TENM3: variants seen among roughly 807,000 people sequenced by gnomAD.
TENM3 encodes the protein teneurin transmembrane protein 3.
TENM3 carries 63 observed loss-of-function variants against 255.1 expected under a neutral mutation model. The ratio of observed to expected loss-of-function variants is 0.25; its 90% CI spans 0.20 to 0.30. TENM3 has a LOEUF of 0.30. Ranked by LOEUF, TENM3 falls within the 10% of genes least tolerant of loss-of-function variation. The pLI, the probability that TENM3 is intolerant of heterozygous loss-of-function variation, is 1.00. For missense variants in TENM3, 2,929 were observed against 3,461.1 expected, an observed-to-expected ratio of 0.85 and a Z score of 3.86; for synonymous variants, 1,306 against 1,322.3, an observed-to-expected ratio of 0.99 and a Z score of 0.27.
the TENM3 span, among the ~76,000 whole-genome samples, chr4:181,696,805 A>G: frequency 6.6e-6 from 1 of 152,140 alleles, no homozygotes; most frequent in Non-Finnish European, 1.5e-5. Context: ...GCAGAGATTG[A>G]ACTCAGAACT....
At chr4:181,455,083 G>A in the TENM3 span, among the ~76,000 whole-genome samples, 1 of 151,926 alleles carries the variant, frequency 6.6e-6, no homozygotes, top group African/African-American at 2.4e-5. Context: ...AAGAGAACCG[G>A]GATCAGAGTA....
chr4:182,255,588 C>G (rs1240381284), intron 1 of TENM3, among the ~76,000 whole-genome samples: 2 of 152,188 alleles, frequency 1.3e-5, no homozygotes, highest in Admixed American at 6.5e-5. Context: ...CCAGCTAGAT[C>G]TGAGTCAGAG....
intron 1 of TENM3, among the ~76,000 whole-genome samples, chr4:182,273,837 C>T (rs1484885727): frequency 6.6e-6 from 1 of 152,140 alleles, no homozygotes; most frequent in Non-Finnish European, 1.5e-5. Flanking sequence ...GAAATTTGAG[C>T]TTTACAAAAA....
intron 3 of TENM3, among the ~76,000 whole-genome samples, chr4:182,581,400 G>A (rs1021164064): frequency 3.3e-5 from 5 of 152,166 alleles, no homozygotes; most frequent in African/African-American, 1.2e-4. Context: ...ACTGTACTTT[G>A]TAGTACTGTT....
the TENM3 span, among the ~76,000 whole-genome samples, chr4:181,507,316 C>T: frequency 6.6e-6 from 1 of 152,182 alleles, no homozygotes; most frequent in Non-Finnish European, 1.5e-5. Context: ...TTTTGAAACA[C>T]CAAGAGTCTC....
In TENM3 at chr4:182,639,533, C is replaced by T. The variant is rs539762991; in HGVS notation, c.988+10644C>T. On this transcript the variant is annotated intron_variant, in intron 5 of 27. Transcript: ENST00000511685. ...GAAAATCAGTGACTTGTCCAGTCAG[C>T]AAGTCCTTTAAAAGGAACCATAATC... Among the ~76,000 whole-genome samples, 10 of 152,268 alleles carry T rather than the reference C, an allele frequency of 6.6e-5. No individual in the cohort carries two copies. The South Asian group carries it at 2.1e-3, about 32-fold the overall frequency.
chr4:181,975,225 C>T, the TENM3 span: 3 of 150,740 alleles, frequency 2.0e-5, no homozygotes, highest in Admixed American at 1.3e-4. Flanking sequence ...ACAACCTCCA[C>T]CTCCCAGGTT....
the TENM3 span, among the ~76,000 whole-genome samples, chr4:181,930,773 A>C: frequency 6.6e-6 from 1 of 152,216 alleles, no homozygotes; most frequent in Non-Finnish European, 1.5e-5. Context: ...TCAATGAAAT[A>C]CTGGCAAACC....
intron 4 of TENM3, among the ~76,000 whole-genome samples, chr4:182,623,447 C>T (rs1750491927): frequency 6.6e-6 from 1 of 151,716 alleles, no homozygotes; most frequent in Non-Finnish European, 1.5e-5. Context: ...GGATTACAGG[C>T]CCCCGCCATC....
the TENM3 span, among the ~76,000 whole-genome samples, chr4:182,125,216 T>C: frequency 6.6e-6 from 1 of 151,480 alleles, no homozygotes; most frequent in Admixed American, 6.6e-5. Flanking sequence ...ATCTTCCCAT[T>C]GCCCAGCGCA....
At chr4:182,060,545 C>G in the TENM3 span, among the ~76,000 whole-genome samples, 2 of 152,190 alleles carry the variant, frequency 1.3e-5, no homozygotes, top group African/African-American at 2.4e-5. Flanking sequence ...CACTCACCTC[C>G]TGCTGTGTGG....
At chr4:182,751,142 A>G (rs1416969556) in intron 19 of TENM3, among the ~76,000 whole-genome samples, 2 of 152,208 alleles carry the variant, frequency 1.3e-5, no homozygotes, top group Admixed American at 1.3e-4. Flanking sequence ...AAACTTTGGA[A>G]AGAAAACTGA....
the TENM3 span, among the ~76,000 whole-genome samples, chr4:181,732,679 A>C: frequency 1.3e-5 from 2 of 152,148 alleles, no homozygotes; most frequent in African/African-American, 2.4e-5. Flanking sequence ...AGAAAATTGG[A>C]TAGCAAACCA....
At chr4:182,589,871 G>A (rs1746427048) in intron 3 of TENM3, among the ~76,000 whole-genome samples, 1 of 152,074 alleles carries the variant, frequency 6.6e-6, no homozygotes, top group African/African-American at 2.4e-5. Flanking sequence ...CTACTTGGGA[G>A]GCTGAGGCAG....
At chr4:182,261,825 A>C (rs978482592) in intron 1 of TENM3, among the ~76,000 whole-genome samples, 4 of 152,220 alleles carry the variant, frequency 2.6e-5, no homozygotes, top group Non-Finnish European at 5.9e-5. Context: ...CAGTCAAATC[A>C]TGTGGTATAA....
At chr4:182,755,958 T>C (rs191569343) in intron 22 of TENM3, among the ~76,000 whole-genome samples, 2 of 152,302 alleles carry the variant, frequency 1.3e-5, no homozygotes, top group East Asian at 1.9e-4. Context: ...TAAGTTTCAG[T>C]TGGCTTCATG....
the TENM3 span, among the ~76,000 whole-genome samples, chr4:182,092,593 G>A: frequency 6.6e-6 from 1 of 152,190 alleles, no homozygotes; most frequent in Non-Finnish European, 1.5e-5. Context: ...TGCTGCAGTG[G>A]CCATGATTGT....
intron 1 of TENM3, among the ~76,000 whole-genome samples, chr4:182,149,857 A>G (rs1018845674): frequency 6.6e-6 from 1 of 152,044 alleles, no homozygotes; most frequent in African/African-American, 2.4e-5. Flanking sequence ...TATTTGACCC[A>G]CATTCATAGT....
At chr4:181,637,177 T>C in the TENM3 span, among the ~76,000 whole-genome samples, 1 of 152,176 alleles carries the variant, frequency 6.6e-6, no homozygotes, top group Non-Finnish European at 1.5e-5. Context: ...TATCCTTTTT[T>C]CCTCTGCAAA....
Sources: allele counts gnomAD v4.1 joint callset (sites outside exome capture counted in the v4.1 genomes callset), GRCh38; gene constraint gnomAD v4.1.1; transcripts MANE v1.5; gene names NCBI Gene and HGNC (gene_info 2026-07-23, HGNC 2026-07-21).